Variants in DNAH8 observed in about 807,000 individuals in gnomAD.
DNAH8 encodes the protein axonemal beta dynein heavy chain 8.
DNAH8 carries 382 observed loss-of-function variants against 562.1 expected under a neutral mutation model. The ratio of observed to expected loss-of-function variants is 0.68; its 90% CI spans 0.63 to 0.74. The LOEUF (loss-of-function observed/expected upper bound fraction) is 0.74. Ranked by LOEUF, DNAH8 falls within the 30% of genes least tolerant of loss-of-function variation. The probability of loss-of-function intolerance (pLI) is 0.00; values close to 1 mark genes in which losing one functional copy is unlikely to be tolerated. For missense variants in DNAH8, 5,203 were observed against 5,620.4 expected (o/e 0.93, Z 2.37); for synonymous variants, 1,881 against 1,919.4 (o/e 0.98, Z 0.52).
At chr6:38,814,027 A>G in intron 24 of DNAH8, 27 bp from the exon 25 acceptor site, 2 of 1,482,618 alleles carry the variant, frequency 1.3e-6, no homozygotes, top group Non-Finnish European at 1.9e-6. Flanking sequence ...GGTAAGGTTC[A>G]TCAGCTAAAT....
intron 21 of DNAH8, among the ~76,000 whole-genome samples, chr6:38,794,948 A>G (rs1033307186): frequency 2.6e-5 from 4 of 152,170 alleles, no homozygotes; most frequent in Non-Finnish European, 5.9e-5. Context: ...TTATGAATAT[A>G]TTTAGCTTTA....
chr6:38,773,348 A>G (rs899990969), intron 12 of DNAH8, among the ~76,000 whole-genome samples: 4 of 152,114 alleles, frequency 2.6e-5, no homozygotes, highest in Admixed American at 6.5e-5. Flanking sequence ...TATTAGTGGT[A>G]AAGATCTTTG....
chr6:38,906,462 G>A (rs899834367), intron 63 of DNAH8, 55 bp downstream of exon 63: 1 of 1,350,702 alleles, frequency 7.4e-7, no homozygotes, highest in South Asian at 2.0e-5. Flanking sequence ...AATTATATTG[G>A]AATAGAAAAA....
At chr6:39,016,247 C>CT (rs568590584) in intron 91 of DNAH8, among the ~76,000 whole-genome samples, 288 of 147,286 alleles carry the variant, frequency 2.0e-3, no homozygotes, top group Non-Finnish European at 3.1e-3. Flanking sequence ...AAGTAAATGG[C>CT]TTTAAATAAA....
rs1420035191 is a variant in DNAH8 at position 38,862,286 on chromosome 6, T to C, written c.6138T>C (p.Tyr2046=). 1 of 1,612,420 alleles carries C rather than the reference T, an allele frequency of 6.2e-7. No individual in the cohort carries two copies. Among genetic ancestry groups the C allele is most frequent in the East Asian group, 2.2e-5 (1 of 44,876 alleles). The change falls in exon 44 of 93, where the codon TAT becomes TAC. Residue 2046 remains tyrosine (Y), a synonymous_variant. Coordinates refer to ENST00000327475, the MANE Select transcript of DNAH8 (RefSeq NM_001206927.2). ...LVITPLTDRC[Y]ITLAQALGMN... is the part of the protein sequence containing the mutation. ...ATTGGATGAACATTTGCAGATGCTA[T>C]ATCACGTTAGCTCAGGCCTTGGGCA...
chr6:38,739,060 A>G (rs1562603117), intron 7 of DNAH8, among the ~76,000 whole-genome samples: 1 of 152,032 alleles, frequency 6.6e-6, no homozygotes, highest in African/African-American at 2.4e-5. Context: ...TTGCTTGTTT[A>G]TATCATTTAC....
intron 57 of DNAH8, 31 bp downstream of exon 57, chr6:38,887,035 C>T (rs756181061): frequency 6.9e-7 from 1 of 1,452,992 alleles, no homozygotes; most frequent in Non-Finnish European, 9.7e-7. Context: ...TATTTTATTG[C>T]ATTACATAAT....
rs140902608 is a variant in DNAH8 at position 38,794,182 on chromosome 6, C to T, written c.2901+2508C>T. ...CAGCCCAGAGCCTCAACCAAGGTAG[C>T]TGACTTTCCTTTCTCGTCCACTCTT... On this transcript the variant is annotated intron_variant, in intron 21 of 92. Transcript: ENST00000327475. Among the ~76,000 whole-genome samples the T allele has an allele frequency of 3.6e-3, 545 of 152,026 alleles. 3 individuals are homozygous for T. Among genetic ancestry groups the T allele is most frequent in the African/African-American group, 0.012 (517 of 41,452 alleles).
At position 38,896,016 on chromosome 6, in the gene DNAH8, C is replaced by T; in HGVS notation, c.8748-17C>T. On this transcript the variant is annotated splice_polypyrimidine_tract_variant and intron_variant, in intron 59 of 92. Transcript: ENST00000327475. ...GCTTTCATATTTAACATTCTTACTACTACATTTTCCTTTCAGATTTATAAC... is the reference window on the plus strand; with the variant it reads ...GCTTTCATATTTAACATTCTTACTATTACATTTTCCTTTCAGATTTATAAC... 1 of 1,602,028 alleles carries T rather than the reference C, an allele frequency of 6.2e-7. No individual in the cohort carries two copies. Among genetic ancestry groups the T allele is most frequent in the Non-Finnish European group, 8.5e-7 (1 of 1,172,470 alleles).
intron 17 of DNAH8, among the ~76,000 whole-genome samples, chr6:38,784,102 G>A (rs1284305642): frequency 1.3e-5 from 2 of 152,246 alleles, no homozygotes; most frequent in South Asian, 2.1e-4. Flanking sequence ...CCCAACCCCC[G>A]CAGGGTGTCG....
chr6:38,872,609 T>C lies in DNAH8; in HGVS notation c.7064T>C (p.Ile2355Thr), dbSNP rs767784878. The change falls in exon 50 of 93, where the codon ATC (isoleucine) becomes ACC (threonine). Residue 2355 changes from isoleucine to threonine, a missense_variant. Ile to Thr is a moderately conservative substitution (Grantham distance 89, BLOSUM62 -1). Around this residue, in one of 6 missense-constraint regions of DNAH8, gnomAD observed 2,176 missense variants for 2,365.1 expected, o/e 0.92. Coordinates refer to ENST00000327475, the MANE Select transcript of DNAH8 (RefSeq NM_001206927.2). ...GPSGSGKTTV[I>T]TILMKAQTEC... ...AGTGGTTCTGGAAAGACAACCGTTA[T>C]CACGATTCTAATGAAGGCGCAAACA... The C allele has an allele frequency of 1.2e-6, 2 of 1,614,016 alleles. No individual in the cohort carries two copies. The highest frequency in any genetic ancestry group is 1.7e-6 in the Non-Finnish European group (2 of 1,179,992).
At chr6:39,014,470 A>G (rs887473909) in intron 91 of DNAH8, among the ~76,000 whole-genome samples, 3 of 152,136 alleles carry the variant, frequency 2.0e-5, no homozygotes. Flanking sequence ...AGGTACTTTC[A>G]ATGAAGAGAG....
chr6:38,823,461 C>T, intron 27 of DNAH8, 101 bp from the exon 28 acceptor site: 2 of 906,804 alleles, frequency 2.2e-6, no homozygotes, highest in Non-Finnish European at 3.4e-6. Context: ...CCATTGCACA[C>T]ACAAGTGTAA....
rs559395746 is a variant in DNAH8 at position 38,884,065 on chromosome 6, T to C, written c.8259+67T>C. ...TTTTTATGTATATATATTATATATA[T>C]GTAAATGTTAATAACTTTGTTAAAA... is the stretch of plus-strand genomic sequence containing the variant. On this transcript the variant is annotated intron_variant, in intron 56 of 92. Coordinates refer to ENST00000327475, the MANE Select transcript of DNAH8 (RefSeq NM_001206927.2). 254 of 1,005,442 alleles carry C rather than the reference T, an allele frequency of 2.5e-4. 3 individuals are homozygous for C. The East Asian group carries it at 9.6e-3, about 38-fold the overall frequency. 62.3% of individuals were successfully genotyped at this position (1,005,442 alleles called of 1,614,324 possible).
chr6:38,724,710 C>T (rs1425843847), intron 3 of DNAH8, among the ~76,000 whole-genome samples: 1 of 152,138 alleles, frequency 6.6e-6, no homozygotes, highest in African/African-American at 2.4e-5. Flanking sequence ...CATAGCTTCC[C>T]TCGCGATAGC....
intron 69 of DNAH8, 96 bp downstream of exon 69, chr6:38,917,502 T>C: frequency 1.0e-6 from 1 of 989,434 alleles, no homozygotes; most frequent in East Asian, 2.4e-5. Context: ...CAGACAATAA[T>C]TGATCATTGC....
At chr6:38,731,564 C>T (rs1763659320) in intron 4 of DNAH8, among the ~76,000 whole-genome samples, 1 of 152,144 alleles carries the variant, frequency 6.6e-6, no homozygotes, top group African/African-American at 2.4e-5. Context: ...TTACTGAATA[C>T]AAATCTATGT....
chr6:38,771,214 G>A (rs1292360290), intron 12 of DNAH8, among the ~76,000 whole-genome samples: 6 of 152,082 alleles, frequency 3.9e-5, no homozygotes, highest in South Asian at 2.1e-4. Flanking sequence ...AAAGTAATGC[G>A]GAACATTACA....
chr6:38,850,525 C>T, intron 38 of DNAH8, 111 bp downstream of exon 38: 1 of 950,866 alleles, frequency 1.1e-6, no homozygotes. Context: ...TAAAGTGGGG[C>T]TAGGAACTTA....
Sources: gnomAD v4.1 joint callset for allele counts (sites outside exome capture counted in the v4.1 genomes callset) on GRCh38, gnomAD v4.1.1 for gene constraint, gnomAD v4.1.1 regional missense constraint, MANE v1.5 for transcripts, NCBI Gene and HGNC (gene_info 2026-07-23, HGNC 2026-07-21) for gene names.